FLI1: variants seen among roughly 807,000 people sequenced by gnomAD.
FLI1 encodes Fli-1 proto-oncogene, ETS transcription factor, also known as Friend leukemia integration 1 transcription factor.
FLI1 carries 13 observed loss-of-function variants against 53.1 expected under a neutral mutation model. The ratio of observed to expected loss-of-function variants is 0.24; its 90% CI spans 0.16 to 0.39. FLI1 has a LOEUF of 0.39. Among genes scored for constraint, FLI1 ranks in the 10% least tolerant of loss-of-function variants. The pLI, the probability that FLI1 is intolerant of heterozygous loss-of-function variation, is 1.00. For missense variants in FLI1, 424 were observed against 600.5 expected (o/e 0.71, Z 3.07); for synonymous variants, 244 against 236.7 (o/e 1.03, Z -0.28).
upstream of FLI1, among the ~76,000 whole-genome samples, chr11:128,691,269 T>G (rs1352454098): frequency 6.6e-6 from 1 of 152,218 alleles, no homozygotes; most frequent in African/African-American, 2.4e-5. Context: ...TGTGCTTGGT[T>G]AGGGCGCTTC....
At chr11:128,691,471 G>A (rs1383311346), upstream of FLI1, among the ~76,000 whole-genome samples, 1 of 152,170 alleles carries the variant, frequency 6.6e-6, no homozygotes. Context: ...TCTGTGAATG[G>A]ACAGGAGCTT....
intron 4 of FLI1, among the ~76,000 whole-genome samples, chr11:128,776,550 C>G (rs1941732628): frequency 6.6e-6 from 1 of 152,162 alleles, no homozygotes; most frequent in African/African-American, 2.4e-5. Flanking sequence ...ACTTGGGAGG[C>G]TGAGGCAGGA....
intron 2 of FLI1, chr11:128,764,957 G>A: frequency 2.0e-6 from 2 of 982,288 alleles, no homozygotes; most frequent in Non-Finnish European, 3.1e-6. Flanking sequence ...CTGGGACCGA[G>A]GACAGGGCCA....
intron 1 of FLI1, among the ~76,000 whole-genome samples, chr11:128,714,710 CTTTTTT>C (rs11381734): frequency 8.2e-6 from 1 of 121,652 alleles, no homozygotes; most frequent in Middle Eastern, 4.4e-3. Flanking sequence ...CTTGAAGGAC[CTTTTTT>C]TTTTTTTTTT....
chr11:128,741,961 GT>G (rs931746510), intron 1 of FLI1, among the ~76,000 whole-genome samples: 21 of 152,304 alleles, frequency 1.4e-4, no homozygotes, highest in African/African-American at 4.3e-4. Flanking sequence ...TAAATGCCAT[GT>G]GCTTTCCAGA....
At chr11:128,750,723 T>C (rs973333098) in intron 1 of FLI1, among the ~76,000 whole-genome samples, 1 of 152,186 alleles carries the variant, frequency 6.6e-6, no homozygotes. Context: ...ATCACTCAAC[T>C]CATGTGCACA....
chr11:128,743,368 G>GCACT (rs1940222521), intron 1 of FLI1, among the ~76,000 whole-genome samples: 1 of 147,326 alleles, frequency 6.8e-6, no homozygotes, highest in Admixed American at 6.9e-5. Flanking sequence ...TCATGCCACT[G>GCACT]CACTTCAGCC....
intron 1 of FLI1, among the ~76,000 whole-genome samples, chr11:128,755,216 A>C (rs558049240): frequency 6.6e-6 from 1 of 152,324 alleles, no homozygotes; most frequent in South Asian, 2.1e-4. Flanking sequence ...CACTGTGCCC[A>C]GCCCTGCCTC....
chr11:128,736,316 T>C (rs1227180977), intron 1 of FLI1, among the ~76,000 whole-genome samples: 1 of 152,130 alleles, frequency 6.6e-6, no homozygotes, highest in Non-Finnish European at 1.5e-5. Context: ...TTAAGAAACT[T>C]CCAATGAAAG....
rs568630168 is a variant in FLI1, at chr11:128,754,743, G to A, written c.19-3372G>A. ...GATCCAGCCAGGGAGCGCACAAGGT[G>A]TACTGAATGAGGGAAGAGCATGTCA... On this transcript the variant is annotated intron_variant, in intron 1 of 8. Transcript: ENST00000527786. Among the ~76,000 whole-genome samples, 141 of 152,338 alleles carry A rather than the reference G, an allele frequency of 9.3e-4. 1 individual carries two copies. Among genetic ancestry groups the A allele is most frequent in the Non-Finnish European group, 1.7e-3 (115 of 68,040 alleles).
intron 7 of FLI1, among the ~76,000 whole-genome samples, chr11:128,808,414 A>G (rs1457248534): frequency 6.6e-6 from 1 of 152,240 alleles, no homozygotes; most frequent in Non-Finnish European, 1.5e-5. Context: ...CCTCTCACCT[A>G]AACCAGTATT....
At position 128,778,269 on chromosome 11, in the gene FLI1, G is replaced by A. The variant is rs147727177; in HGVS notation, c.590-3689G>A. On this transcript the variant is annotated intron_variant, in intron 4 of 8. Coordinates refer to ENST00000527786, the MANE Select transcript of FLI1 (RefSeq NM_002017.5). The stretch of plus-strand genomic sequence containing the variant: ...GTGCAAAAATCATGAAGTGCGCTAC[G>A]TGAGACATTATCGTGACGTGAATCC... Among the ~76,000 whole-genome samples the A allele has an allele frequency of 1.7e-3, 260 of 152,206 alleles. 4 individuals are homozygous for A. Among genetic ancestry groups the A allele is most frequent in the East Asian group, 5.6e-3 (29 of 5,184 alleles).
intron 2 of FLI1, chr11:128,764,697 C>T (rs1292309561): frequency 6.5e-7 from 1 of 1,545,154 alleles, no homozygotes; most frequent in Non-Finnish European, 8.7e-7. Context: ...TGGGCTTCAC[C>T]TGTACCCACC....
At chr11:128,710,604 T>C (rs1938747737) in intron 1 of FLI1, among the ~76,000 whole-genome samples, 1 of 152,138 alleles carries the variant, frequency 6.6e-6, no homozygotes, top group Non-Finnish European at 1.5e-5. Context: ...AGAGAGCATC[T>C]CAAATTTATA....
intron 1 of FLI1, chr11:128,686,765 G>T: frequency 3.4e-6 from 1 of 297,038 alleles, no homozygotes; most frequent in Non-Finnish European, 6.8e-6. Flanking sequence ...CCGGGCCTAT[G>T]GTCCCTTTTC....
intron 2 of FLI1, among the ~76,000 whole-genome samples, chr11:128,759,223 CAA>C (rs997208240): frequency 9.2e-5 from 14 of 152,120 alleles, no homozygotes; most frequent in Admixed American, 7.2e-4. Context: ...GCCAAAGGCA[CAA>C]AGAGATGAAA....
chr11:128,811,204 G>C lies in FLI1; in HGVS notation c.*216G>C, dbSNP rs1565513682. The C allele has an allele frequency of 5.3e-6, 3 of 571,358 alleles. No individual in the cohort carries two copies. Among genetic ancestry groups the C allele is most frequent in the Non-Finnish European group, 9.2e-6 (3 of 324,906 alleles). 35.4% of individuals were successfully genotyped at this position (571,358 alleles called of 1,614,324 possible). Reference sequence around the variant, plus strand: ...GAACAAAGAGATGAATAATTCCATGGGCCAGTATGCCAGTTTGAATTCTCA... The same window carrying C: ...GAACAAAGAGATGAATAATTCCATGCGCCAGTATGCCAGTTTGAATTCTCA... On this transcript the variant is annotated 3_prime_UTR_variant, in exon 9 of 9. Transcript: ENST00000527786.
chr11:128,782,192 A>T (rs1303665854), intron 5 of FLI1, among the ~76,000 whole-genome samples, 169 bp downstream of exon 5: 1 of 152,246 alleles, frequency 6.6e-6, no homozygotes, highest in Non-Finnish European at 1.5e-5. Context: ...TTGCAAAAAT[A>T]CAGTAAAGAA....
At chr11:128,793,219 C>T (rs989984923) in intron 5 of FLI1, among the ~76,000 whole-genome samples, 1 of 151,808 alleles carries the variant, frequency 6.6e-6, no homozygotes, top group African/African-American at 2.4e-5. Flanking sequence ...TTTCATGGGT[C>T]TATCAGTTTC....
Sources: allele counts gnomAD v4.1 joint callset (sites outside exome capture counted in the v4.1 genomes callset), GRCh38; gene constraint gnomAD v4.1.1; transcripts MANE v1.5; gene names NCBI Gene and HGNC (gene_info 2026-07-23, HGNC 2026-07-21).